The following IL23R variants were observed in gnomAD, a reference collection of about 807,000 sequenced individuals.
The protein encoded by IL23R is interleukin 23 receptor, also known as interleukin-23 receptor.
A neutral mutation model predicts 56.9 loss-of-function variants in IL23R; 34 were observed. The ratio of observed to expected loss-of-function variants is 0.60; its 90% CI spans 0.45 to 0.80. The LOEUF (loss-of-function observed/expected upper bound fraction) is 0.80, where lower values mean the gene tolerates loss of function less well. Ranked by LOEUF, IL23R falls within the 30% of genes least tolerant of loss-of-function variation. The pLI is 0.00. For missense variants in IL23R, 635 were observed against 730.0 expected (o/e 0.87, Z 1.50); for synonymous variants, 230 against 249.2 (o/e 0.92, Z 0.73).
chr1:67,199,754 CAGGGCCCATTGAAATCATA>C (rs1648468191), intron 4 of IL23R, among the ~76,000 whole-genome samples: 1 of 151,772 alleles, frequency 6.6e-6, no homozygotes, highest in South Asian at 2.1e-4. Context: ...CAGAAGTGTT[CAGGGCCCATTGAAATCATA>C]CTGTGGCCCT....
chr1:67,169,689 A>G lies in IL23R; in HGVS notation c.367+51A>G, dbSNP rs11465781. 937 of 1,497,650 alleles carry G rather than the reference A, an allele frequency of 6.3e-4. 4 individuals carry two copies. The African/African-American group carries it at 0.012, about 19-fold the overall frequency. The allele number at this position is 1,497,650 out of a possible 1,614,324, so 92.8% of individuals were successfully genotyped here. ...GCAAACAAAAGCTAGTTTAACAATTAACTGGTCATTACCACACTAGTCTAA... is the reference window on the plus strand; with the variant it reads ...GCAAACAAAAGCTAGTTTAACAATTGACTGGTCATTACCACACTAGTCTAA... On this transcript the variant is annotated intron_variant, in intron 3 of 10. Transcript: ENST00000347310.
chr1:67,210,722 G>A (rs1183386992), intron 6 of IL23R, among the ~76,000 whole-genome samples: 1 of 151,900 alleles, frequency 6.6e-6, no homozygotes, highest in Admixed American at 6.6e-5. Flanking sequence ...TGGCTTTCTC[G>A]TCAGCCTCCC....
At chr1:67,172,640 T>G (rs1360135534) in intron 3 of IL23R, among the ~76,000 whole-genome samples, 3 of 152,222 alleles carry the variant, frequency 2.0e-5, no homozygotes, top group African/African-American at 7.2e-5. Flanking sequence ...ATCATTTGTT[T>G]AAAATTTTAA....
intron 7 of IL23R, among the ~76,000 whole-genome samples, chr1:67,229,875 C>T (rs1650983843): frequency 6.6e-6 from 1 of 152,186 alleles, no homozygotes; most frequent in African/African-American, 2.4e-5. Context: ...CCACCAATTG[C>T]AGTTTTTACT....
chr1:67,175,991 T>C (rs1358882682), intron 3 of IL23R, among the ~76,000 whole-genome samples: 2 of 152,036 alleles, frequency 1.3e-5, no homozygotes, highest in Non-Finnish European at 2.9e-5. Context: ...ACACCCAGCT[T>C]TAAAACAGAG....
chr1:67,142,331 TTAAAAG>T (rs1213208877), intron 1 of IL23R, among the ~76,000 whole-genome samples: 1 of 152,108 alleles, frequency 6.6e-6, no homozygotes, highest in Non-Finnish European at 1.5e-5. Flanking sequence ...TTTGGTGAGT[TTAAAAG>T]TAAAAGATAA....
intron 9 of IL23R, among the ~76,000 whole-genome samples, chr1:67,252,804 C>CA (rs1207921503): frequency 0.18 from 9,695 of 53,336 alleles, 438 homozygotes; most frequent in African/African-American, 0.22. Flanking sequence ...AATTTATAGA[C>CA]AAAAAAAAAA....
intron 7 of IL23R, among the ~76,000 whole-genome samples, chr1:67,223,056 C>T (rs1170993038): frequency 6.6e-6 from 1 of 152,206 alleles, no homozygotes; most frequent in East Asian, 1.9e-4. Context: ...GAGTTTAAGA[C>T]CACCCTGGCC....
chr1:67,186,052 A>G (rs1647305725), intron 4 of IL23R, among the ~76,000 whole-genome samples: 1 of 152,220 alleles, frequency 6.6e-6, no homozygotes, highest in African/African-American at 2.4e-5. Flanking sequence ...CTCTGGCTAC[A>G]CCACTGGAGA....
Position 67,259,525 on chromosome 1 carries a change from G to A in IL23R, c.*397G>A, listed in dbSNP as rs748856113. 6 of 237,832 alleles carry A rather than the reference G, an allele frequency of 2.5e-5. No homozygotes were observed. The highest frequency in any genetic ancestry group is 4.9e-5 in the Non-Finnish European group (6 of 121,658). The allele number at this position is 237,832 out of a possible 1,614,324, so 14.7% of individuals were successfully genotyped here. ...GGCACAAAAACAGCATTATGTGGACGCCTCATGTATTTTTTATAGAGTCAA... is the reference window on the plus strand; with the variant it reads ...GGCACAAAAACAGCATTATGTGGACACCTCATGTATTTTTTATAGAGTCAA... On this transcript the variant is annotated 3_prime_UTR_variant, in exon 11 of 11. Coordinates refer to ENST00000347310, the MANE Select transcript of IL23R (RefSeq NM_144701.3).
chr1:67,255,625 GA>G (rs1652901856), intron 9 of IL23R, among the ~76,000 whole-genome samples: 2 of 151,946 alleles, frequency 1.3e-5, no homozygotes, highest in African/African-American at 4.8e-5. Context: ...ATTCTGTAGA[GA>G]CAGGGTCTTG....
At chr1:67,188,805 G>T (rs1276216134) in intron 4 of IL23R, among the ~76,000 whole-genome samples, 1 of 151,966 alleles carries the variant, frequency 6.6e-6, no homozygotes, top group African/African-American at 2.4e-5. Flanking sequence ...CTTTTATAGG[G>T]GCACTAAATT....
intron 9 of IL23R, among the ~76,000 whole-genome samples, chr1:67,247,262 A>G (rs1652289877): frequency 6.9e-6 from 1 of 145,834 alleles, no homozygotes; most frequent in Non-Finnish European, 1.5e-5. Context: ...TCTTTATCCA[A>G]TTTGCCAGTC....
chr1:67,209,492 T>A (rs899620197), intron 6 of IL23R, among the ~76,000 whole-genome samples: 1 of 152,168 alleles, frequency 6.6e-6, no homozygotes, highest in Non-Finnish European at 1.5e-5. Flanking sequence ...ATAAGTCTCA[T>A]GAGATCTGAT....
chr1:67,200,242 C>T (rs1211767023), intron 4 of IL23R, among the ~76,000 whole-genome samples: 4 of 152,024 alleles, frequency 2.6e-5, no homozygotes, highest in African/African-American at 9.7e-5. Context: ...CAGGGTTTCA[C>T]CATGTTAGCC....
chr1:67,176,324 T>C (rs1456387780), intron 3 of IL23R, among the ~76,000 whole-genome samples: 2 of 151,958 alleles, frequency 1.3e-5, no homozygotes, highest in Non-Finnish European at 2.9e-5. Context: ...GATGGTAAAG[T>C]GGGTTGCAAG....
intron 1 of IL23R, among the ~76,000 whole-genome samples, chr1:67,141,077 G>A (rs1370055925): frequency 3.9e-5 from 6 of 152,170 alleles, no homozygotes; most frequent in African/African-American, 7.2e-5. Flanking sequence ...GAAGAAATAC[G>A]TAATAACATA....
At chr1:67,190,455 A>C (rs962306470) in intron 4 of IL23R, among the ~76,000 whole-genome samples, 32 of 151,580 alleles carry the variant, frequency 2.1e-4, no homozygotes, top group African/African-American at 5.8e-4. Flanking sequence ...CAAAAAAAAA[A>C]CAAAACCAGT....
At chr1:67,185,968 C>T (rs142050367) in intron 4 of IL23R, among the ~76,000 whole-genome samples, 8 of 152,112 alleles carry the variant, frequency 5.3e-5, no homozygotes, top group East Asian at 1.9e-4. Context: ...TTACAGATGG[C>T]GTGGGGAGCT....
Sources: allele counts gnomAD v4.1 joint callset (sites outside exome capture counted in the v4.1 genomes callset), GRCh38; gene constraint gnomAD v4.1.1; transcripts MANE v1.5; gene names NCBI Gene and HGNC (gene_info 2026-07-23, HGNC 2026-07-21).